Variants in AIG1 observed in about 807,000 individuals in gnomAD.
The protein encoded by AIG1 is androgen induced 1.
Under a neutral mutation model 31.4 loss-of-function variants are expected in AIG1, and 23 were observed. The observed-to-expected ratio is 0.73, with a 90% CI of 0.53 to 1.04. The LOEUF (loss-of-function observed/expected upper bound fraction) is 1.04. Ranked by LOEUF, AIG1 falls within the 50% of genes least tolerant of loss-of-function variation. The pLI is 0.00. For synonymous variants in AIG1, 100 were observed against 110.5 expected (o/e 0.90, Z 0.60); for missense variants, 274 against 295.0 (o/e 0.93, Z 0.52).
At chr6:143,120,746 A>G (rs1192131966) in intron 1 of AIG1, among the ~76,000 whole-genome samples, 1 of 152,226 alleles carries the variant, frequency 6.6e-6, no homozygotes, top group African/African-American at 2.4e-5. Flanking sequence ...TTCACTGTCA[A>G]TTATGGCAGA....
rs544747099 is a variant in AIG1 at position 143,308,338 on chromosome 6, C to T, written c.515+24113C>T. 3.4e-3 allele frequency among the ~76,000 whole-genome samples: 523 copies of T among 152,334 alleles called. 3 individuals are homozygous for T. In the South Asian group the frequency reaches 0.037, roughly 11 times the overall value. Reference sequence around the variant, plus strand: ...GCTGTAGACCGGAGCTGTTCCTGTTCGGCCATCTTGGCTGCTTCCACAAGA... The same window carrying T: ...GCTGTAGACCGGAGCTGTTCCTGTTTGGCCATCTTGGCTGCTTCCACAAGA... On this transcript the variant is annotated intron_variant, in intron 4 of 5. Transcript: ENST00000357847.
At chr6:143,318,819 C>T (rs185690122) in intron 4 of AIG1, among the ~76,000 whole-genome samples, 55 of 151,380 alleles carry the variant, frequency 3.6e-4, no homozygotes, top group African/African-American at 1.3e-3. Context: ...GGGCTAAGGA[C>T]ATAAATAGAC....
At chr6:143,312,209 A>G (rs796511400) in intron 4 of AIG1, among the ~76,000 whole-genome samples, 2 of 152,210 alleles carry the variant, frequency 1.3e-5, no homozygotes, top group African/African-American at 4.8e-5. Flanking sequence ...GAAAAAAGCA[A>G]TGCTAAAATT....
At chr6:143,321,152 C>T (rs1336590656) in intron 4 of AIG1, among the ~76,000 whole-genome samples, 1 of 151,510 alleles carries the variant, frequency 6.6e-6, no homozygotes, top group Non-Finnish European at 1.5e-5. Flanking sequence ...GTTTGTATCA[C>T]CAAAAAACAG....
intron 5 of AIG1, chr6:143,335,332 G>C (rs1483022662): frequency 1.3e-5 from 4 of 303,644 alleles, no homozygotes; most frequent in African/African-American, 2.2e-5. Context: ...AAGAGATGGA[G>C]ACCATCCTGG....
At chr6:143,144,619 C>T (rs561388137) in intron 2 of AIG1, among the ~76,000 whole-genome samples, 30 of 152,024 alleles carry the variant, frequency 2.0e-4, no homozygotes, top group Non-Finnish European at 4.0e-4. Flanking sequence ...AAGAGAATAC[C>T]CTCAGAAATC....
chr6:143,267,041 G>A (rs965330320), intron 3 of AIG1, among the ~76,000 whole-genome samples: 1 of 152,166 alleles, frequency 6.6e-6, no homozygotes, highest in African/African-American at 2.4e-5. Flanking sequence ...TCAACGTCCT[G>A]CTTCTCTCTC....
chr6:143,309,032 TG>T (rs2128705506), intron 4 of AIG1, among the ~76,000 whole-genome samples: 1 of 149,372 alleles, frequency 6.7e-6, no homozygotes, highest in East Asian at 2.0e-4. Context: ...AGTGGGAGAG[TG>T]GGGGGCTTCC....
intron 3 of AIG1, among the ~76,000 whole-genome samples, chr6:143,201,712 C>A (rs531143306): frequency 1.3e-5 from 2 of 152,308 alleles, no homozygotes; most frequent in Non-Finnish European, 2.9e-5. Context: ...ACGCTTAATT[C>A]TCCTCTTTGT....
chr6:143,170,266 T>A (rs1232827278), intron 3 of AIG1, among the ~76,000 whole-genome samples: 1 of 152,144 alleles, frequency 6.6e-6, no homozygotes, highest in Non-Finnish European at 1.5e-5. Context: ...ATCTCATTGC[T>A]TGTTATTGGT....
intron 3 of AIG1, among the ~76,000 whole-genome samples, chr6:143,274,164 A>G (rs1449588815): frequency 6.6e-6 from 1 of 152,174 alleles, no homozygotes; most frequent in African/African-American, 2.4e-5. Flanking sequence ...AGGCACAGCC[A>G]TGACACAGTC....
intron 2 of AIG1, among the ~76,000 whole-genome samples, chr6:143,140,189 A>C (rs909374369): frequency 7.2e-5 from 11 of 152,154 alleles, no homozygotes; most frequent in Admixed American, 2.6e-4. Context: ...CTATCACGAG[A>C]ACAGCATGGG....
At chr6:143,077,893 G>A (rs1028285669) in intron 1 of AIG1, among the ~76,000 whole-genome samples, 2 of 152,162 alleles carry the variant, frequency 1.3e-5, no homozygotes, top group Admixed American at 1.3e-4. Context: ...GATGTAGTAT[G>A]ACTATTCTTA....
intron 3 of AIG1, among the ~76,000 whole-genome samples, chr6:143,265,190 G>C (rs9376735): frequency 0.01 from 1,571 of 152,210 alleles, 44 homozygotes; most frequent in East Asian, 0.065. Flanking sequence ...TTTCATTGTT[G>C]TGGATAACGA....
At chr6:143,225,374 A>G (rs560544470) in intron 3 of AIG1, among the ~76,000 whole-genome samples, 11 of 142,900 alleles carry the variant, frequency 7.7e-5, no homozygotes, top group African/African-American at 2.4e-4. Flanking sequence ...TAATTCACAC[A>G]TGAGAGGAAT....
intron 3 of AIG1, among the ~76,000 whole-genome samples, chr6:143,214,539 A>C (rs1023408634): frequency 6.6e-6 from 1 of 152,204 alleles, no homozygotes; most frequent in African/African-American, 2.4e-5. Context: ...AGAATATGTG[A>C]TGGGGTAAAT....
At chr6:143,106,739 T>C (rs1780837818) in intron 1 of AIG1, among the ~76,000 whole-genome samples, 1 of 152,322 alleles carries the variant, frequency 6.6e-6, no homozygotes, top group African/African-American at 2.4e-5. Context: ...CTATTTGGGC[T>C]GCTATAAGGA....
chr6:143,245,825 T>C (rs1363289458), intron 3 of AIG1, among the ~76,000 whole-genome samples: 1 of 152,160 alleles, frequency 6.6e-6, no homozygotes, highest in Non-Finnish European at 1.5e-5. Flanking sequence ...CAGAGGTATT[T>C]TATGAGGCGG....
chr6:143,099,957 C>T (rs1780106128), intron 1 of AIG1, among the ~76,000 whole-genome samples: 2 of 152,156 alleles, frequency 1.3e-5, no homozygotes, highest in African/African-American at 4.8e-5. Context: ...CAATGGCAGA[C>T]CTGTGGCCAG....
Sources: gnomAD v4.1 joint callset for allele counts (sites outside exome capture counted in the v4.1 genomes callset) on GRCh38, gnomAD v4.1.1 for gene constraint, MANE v1.5 for transcripts, NCBI Gene and HGNC (gene_info 2026-07-23, HGNC 2026-07-21) for gene names.